The following ZNF354B variants were observed in gnomAD, a reference collection of about 807,000 sequenced individuals.
ZNF354B encodes zinc finger protein 354B.
In ZNF354B, 10 loss-of-function variants were observed where a neutral mutation model predicts 12.9. The observed-to-expected ratio is 0.77, with a 90% CI of 0.48 to 1.31. ZNF354B has a LOEUF of 1.31. Among genes scored for constraint, ZNF354B ranks in the 40% most tolerant of loss-of-function variants. The probability of loss-of-function intolerance (pLI) is 0.00; values close to 1 mark genes in which losing one functional copy is unlikely to be tolerated. For missense variants in ZNF354B, 614 were observed against 711.7 expected (o/e 0.86, Z 1.56); for synonymous variants, 260 against 243.7 (o/e 1.07, Z -0.62).
intron 4 of ZNF354B, among the ~76,000 whole-genome samples, chr5:178,874,656 C>A (rs184194137): frequency 1.3e-5 from 2 of 152,284 alleles, no homozygotes; most frequent in East Asian, 3.9e-4. Flanking sequence ...GTAATCCTTA[C>A]ATTCCTTGGA....
At chr5:178,881,611 A>C (rs1261806326) in intron 4 of ZNF354B, among the ~76,000 whole-genome samples, 1 of 150,146 alleles carries the variant, frequency 6.7e-6, no homozygotes, top group East Asian at 1.9e-4. Flanking sequence ...ATTGATTTTA[A>C]TATGTCAATT....
At chr5:178,870,129 T>C (rs1757539232) in intron 4 of ZNF354B, among the ~76,000 whole-genome samples, 1 of 152,010 alleles carries the variant, frequency 6.6e-6, no homozygotes, top group African/African-American at 2.4e-5. Flanking sequence ...CTCGGTAACA[T>C]AGACCCTGTC....
intron 3 of ZNF354B, 81 bp from the exon 4 acceptor site, chr5:178,866,895 G>C: frequency 7.2e-7 from 1 of 1,380,806 alleles, no homozygotes; most frequent in East Asian, 2.3e-5. Context: ...GAAAAGCCAC[G>C]GTTACCCTAA....
chr5:178,873,662 A>G (rs1757594892), intron 4 of ZNF354B, among the ~76,000 whole-genome samples: 1 of 152,052 alleles, frequency 6.6e-6, no homozygotes, highest in Admixed American at 6.5e-5. Context: ...CACAGTGTTG[A>G]TTGCTGTATA....
chr5:178,862,809 G>T (rs189311034), intron 2 of ZNF354B, among the ~76,000 whole-genome samples: 5 of 152,278 alleles, frequency 3.3e-5, no homozygotes, highest in African/African-American at 1.2e-4. Context: ...CTCCTGACTA[G>T]AACCTTCTCC....
At chr5:178,860,515 C>A (rs568241044) in intron 1 of ZNF354B, among the ~76,000 whole-genome samples, 1 of 152,160 alleles carries the variant, frequency 6.6e-6, no homozygotes, top group Non-Finnish European at 1.5e-5. Flanking sequence ...CTCTTCAAAG[C>A]CGTTTTCCGT....
intron 4 of ZNF354B, among the ~76,000 whole-genome samples, chr5:178,878,164 A>T (rs56814168): frequency 0.15 from 22,496 of 151,954 alleles, 2,028 homozygotes; most frequent in African/African-American, 0.25. Flanking sequence ...CGGGCGGATC[A>T]CGAGGTCAGG....
At chr5:178,882,333 C>G (rs954286231) in intron 4 of ZNF354B, among the ~76,000 whole-genome samples, 1 of 152,102 alleles carries the variant, frequency 6.6e-6, no homozygotes, top group Non-Finnish European at 1.5e-5. Context: ...CAAAGGAGTT[C>G]AGAATGTAGG....
chr5:178,882,810 A>G lies in ZNF354B; in HGVS notation c.358A>G (p.Ile120Val), dbSNP rs751294138. The G allele has an allele frequency of 6.2e-7, 1 of 1,604,506 alleles. No homozygotes were observed. The highest frequency in any genetic ancestry group is 8.5e-7 in the Non-Finnish European group (1 of 1,177,954). Residue 120 changes from isoleucine (I) to valine (V), a missense_variant, in exon 5 of 5, where the codon ATA (isoleucine) becomes GTA (valine). Ile to Val is a conservative substitution (Grantham distance 29). Transcript: ENST00000322434. Reference protein sequence around the residue: ...RLKRDEPWNFISERSCIYEEK... With the variant: ...RLKRDEPWNFVSERSCIYEEK... ...GAAAAGGGATGAACCCTGGAACTTCATATCAGAAAGATCCTGCATATATGA... is the reference window on the plus strand; with the variant it reads ...GAAAAGGGATGAACCCTGGAACTTCGTATCAGAAAGATCCTGCATATATGA...
rs773842513 is a variant in ZNF354B at position 178,882,978 on chromosome 5, C to T, written c.526C>T (p.Gln176Ter). 6.2e-7 allele frequency: 1 copy of T among 1,608,772 alleles called. No individual in the cohort carries two copies. The highest frequency in any genetic ancestry group is 8.5e-7 in the Non-Finnish European group (1 of 1,178,838). ...NFYLKSVFIK[Q>*]QRFAKEKTPS... ...CTACCTGAAATCAGTCTTCATTAAG[C>T]AACAGAGATTTGCTAAAGAAAAAAC... is the stretch of plus-strand genomic sequence containing the variant. Residue 176 changes from glutamine to a stop codon, truncating the protein, a stop_gained, in exon 5 of 5, where the codon CAA becomes TAA. Coordinates refer to ENST00000322434, the MANE Select transcript of ZNF354B (RefSeq NM_058230.3). LOFTEE classifies it low-confidence loss of function (END_TRUNC).
At chr5:178,867,140 A>G in intron 4 of ZNF354B, 69 bp downstream of exon 4, 1 of 1,436,396 alleles carries the variant, frequency 7.0e-7, no homozygotes, top group Non-Finnish European at 9.7e-7. Flanking sequence ...AGGAGGTAGG[A>G]ACATTGGTTG....
At position 178,880,831 on chromosome 5, in the gene ZNF354B, A is replaced by ATTTT. The variant is rs56013359; in HGVS notation, c.257-1853_257-1850dup. On this transcript the variant is annotated intron_variant, in intron 4 of 4. Coordinates refer to ENST00000322434, the MANE Select transcript of ZNF354B (RefSeq NM_058230.3). ...TTTCAGTAGTTGTCAACTCATGGTC[A>ATTTT]TTTTTTTTTTTTTTTTTTTTTTTTT... Among the ~76,000 whole-genome samples the ATTTT allele has an allele frequency of 1.2e-4, 9 of 76,148 alleles. No individual in the cohort carries two copies. In the East Asian group the frequency reaches 1.5e-3, roughly 13 times the overall value. 50.0% of individuals were successfully genotyped at this position (76,148 alleles called of 152,430 possible).
chr5:178,877,900 A>T (rs11960942), intron 4 of ZNF354B, among the ~76,000 whole-genome samples: 22,601 of 152,198 alleles, frequency 0.15, 2,068 homozygotes, highest in African/African-American at 0.25. Flanking sequence ...AGGTGGATAG[A>T]TAGAACCTTG....
At chr5:178,880,991 C>T (rs778864680) in intron 4 of ZNF354B, among the ~76,000 whole-genome samples, 2 of 151,762 alleles carry the variant, frequency 1.3e-5, no homozygotes, top group Non-Finnish European at 2.9e-5. Flanking sequence ...TACAGGCGCC[C>T]GCCACCAAGT....
intron 4 of ZNF354B, among the ~76,000 whole-genome samples, chr5:178,878,479 A>G (rs137997169): frequency 6.6e-6 from 1 of 152,216 alleles, no homozygotes; most frequent in East Asian, 1.9e-4. Flanking sequence ...CATTATCTTC[A>G]GCTACCCAGA....
At position 178,883,401 on chromosome 5, in the gene ZNF354B, C is replaced by A. The variant is rs778797115; in HGVS notation, c.949C>A (p.Gln317Lys). 5.6e-6 allele frequency: 9 copies of A among 1,613,882 alleles called. No individual in the cohort carries two copies. The African/African-American group carries it at 8.0e-5, about 14-fold the overall frequency. The stretch of plus-strand genomic sequence containing the variant: ...TCGAAGGTCTGGGCTTTTTATACAT[C>A]AAAAAATCCATGCTCAAGAAAATCC... ...FSRRSGLFIH[Q>K]KIHAQENPHK... The change falls in exon 5 of 5, where the codon CAA becomes AAA. Residue 317 changes from glutamine to lysine, a missense_variant. Transcript: ENST00000322434.
intron 4 of ZNF354B, among the ~76,000 whole-genome samples, chr5:178,869,818 T>G (rs188600187): frequency 3.3e-4 from 51 of 152,274 alleles, no homozygotes; most frequent in African/African-American, 1.2e-3. Flanking sequence ...TTTTGTCAGA[T>G]GGAAGTCAGA....
At chr5:178,863,343 A>G (rs1453918655) in intron 2 of ZNF354B, among the ~76,000 whole-genome samples, 1 of 152,198 alleles carries the variant, frequency 6.6e-6, no homozygotes, top group Non-Finnish European at 1.5e-5. Flanking sequence ...TTGCATAATG[A>G]CATTTTGGTC....
chr5:178,875,395 G>A (rs952948746), intron 4 of ZNF354B, among the ~76,000 whole-genome samples: 2 of 152,170 alleles, frequency 1.3e-5, no homozygotes, highest in African/African-American at 4.8e-5. Flanking sequence ...CCCAAGATGG[G>A]GAAGGAGGCC....
Sources: gnomAD v4.1 joint callset for allele counts (sites outside exome capture counted in the v4.1 genomes callset) on GRCh38, gnomAD v4.1.1 for gene constraint, MANE v1.5 for transcripts, NCBI Gene and HGNC (gene_info 2026-07-23, HGNC 2026-07-21) for gene names.